TTC7A: variants seen among roughly 807,000 people sequenced by gnomAD.
TTC7A encodes the protein tetratricopeptide repeat domain 7A.
TTC7A carries 110 observed loss-of-function variants against 103.7 expected under a neutral mutation model. That is an observed-to-expected ratio of 1.06 (90% CI 0.91 to 1.24). TTC7A has a LOEUF of 1.24. Ranked by LOEUF, TTC7A falls within the 50% of genes most tolerant of loss-of-function variation. The pLI is 0.00. For synonymous variants in TTC7A, 521 were observed against 467.9 expected (o/e 1.11, Z -1.47); for missense variants, 1,340 against 1,116.3 (o/e 1.20, Z -2.86).
At chr2:47,043,813 G>GTAC (rs1363991928) in intron 15 of TTC7A, among the ~76,000 whole-genome samples, 1 of 152,200 alleles carries the variant, frequency 6.6e-6, no homozygotes, top group Non-Finnish European at 1.5e-5. Flanking sequence ...AATGTCAGCA[G>GTAC]CTGCAAAGGT....
At position 47,051,808 on chromosome 2, in the gene TTC7A, A is replaced by G. The variant is rs143506259; in HGVS notation, c.2080A>G (p.Met694Val). The G allele has an allele frequency of 6.4e-5, 103 of 1,611,974 alleles. No individual in the cohort carries two copies. In the Admixed American group the frequency reaches 1.2e-3, roughly 18 times the overall value. The change falls in exon 18 of 20, where the codon ATG becomes GTG. Residue 694 changes from methionine (M) to valine (V), a missense_variant. Transcript: ENST00000319190. ...RLEEAMSELT[M>V]PSSVLKQGPM... ...GGAGGAGGCCATGTCAGAGCTGACT[A>G]TGCCCTCTTCGGTCCTGAAGCAGGG... is the stretch of plus-strand genomic sequence containing the variant.
At chr2:46,998,780 A>G (rs188062956) in intron 8 of TTC7A, among the ~76,000 whole-genome samples, 239 of 152,246 alleles carry the variant, frequency 1.6e-3, no homozygotes, top group African/African-American at 5.6e-3. Context: ...GGAACTCAGG[A>G]GTGGCTGTGT....
chr2:46,958,610 G>T (rs577357012), intron 3 of TTC7A: 2 of 1,206,910 alleles, frequency 1.7e-6, no homozygotes, highest in Non-Finnish European at 2.2e-6. Flanking sequence ...GCTAGCTCCC[G>T]TTCCCCAGTG....
chr2:47,037,117 C>A (rs893311728), intron 15 of TTC7A, among the ~76,000 whole-genome samples: 1 of 152,336 alleles, frequency 6.6e-6, no homozygotes, highest in East Asian at 1.9e-4. Context: ...CTTCAGAGGA[C>A]CCCCTCAGGT....
intron 3 of TTC7A, among the ~76,000 whole-genome samples, chr2:46,972,765 A>G (rs1673485357): frequency 6.6e-6 from 1 of 152,240 alleles, no homozygotes. Context: ...GTGTGCATGT[A>G]AAATGCTGCA....
intron 3 of TTC7A, among the ~76,000 whole-genome samples, chr2:46,961,136 A>C (rs978297112): frequency 6.6e-6 from 1 of 152,232 alleles, no homozygotes; most frequent in Non-Finnish European, 1.5e-5. Flanking sequence ...CCCCTGACCA[A>C]ACATGTCAGA....
At chr2:47,065,160 G>T in intron 19 of TTC7A, among the ~76,000 whole-genome samples, 1 of 152,162 alleles carries the variant, frequency 6.6e-6, no homozygotes, top group East Asian at 1.9e-4. Flanking sequence ...GGTGGTGGGC[G>T]CCTGTAGTCC....
At chr2:47,054,001 G>A (rs945172990) in intron 18 of TTC7A, 1 of 596,348 alleles carries the variant, frequency 1.7e-6, no homozygotes, top group Admixed American at 6.3e-5. Context: ...CCCTCCTGAA[G>A]CCAGTAATTA....
At chr2:47,054,050 A>G in intron 18 of TTC7A, 2 of 944,126 alleles carry the variant, frequency 2.1e-6, no homozygotes, top group Non-Finnish European at 2.5e-6. Flanking sequence ...CCTTTCAGTC[A>G]TTTGCACATG....
At chr2:47,035,626 C>G (rs1387263853) in intron 15 of TTC7A, 1 of 152,204 alleles carries the variant, frequency 6.6e-6, no homozygotes, top group African/African-American at 2.4e-5. Context: ...TTTTGTTTGT[C>G]TGGGGAAGAG....
chr2:47,069,414 C>T (rs969834180), intron 19 of TTC7A, among the ~76,000 whole-genome samples: 2 of 152,294 alleles, frequency 1.3e-5, no homozygotes, highest in South Asian at 2.1e-4. Flanking sequence ...GTACTCACTA[C>T]CCCAGGAGAC....
Position 47,024,316 on chromosome 2 carries a change from A to T in TTC7A, c.1598A>T (p.Gln533Leu). The T allele has an allele frequency of 6.2e-7, 1 of 1,609,158 alleles. No individual in the cohort carries two copies. Among genetic ancestry groups the T allele is most frequent in the Non-Finnish European group, 8.5e-7 (1 of 1,177,720 alleles). Residue 533 changes from glutamine to leucine, a missense_variant, in exon 14 of 20, where the codon CAG becomes CTG. Gln to Leu is a moderately radical substitution (Grantham distance 113). Transcript: ENST00000319190. ...RAQQLAPSDPQVILYVSLQLA... is the reference protein window; with the variant it reads ...RAQQLAPSDPLVILYVSLQLA... ...CAGCAGCTGGCGCCCAGTGACCCCC[A>T]GGTCATCCTCTATGTCTCGCTGCAG...
intron 3 of TTC7A, among the ~76,000 whole-genome samples, chr2:46,960,391 T>C (rs1228768148): frequency 6.6e-6 from 1 of 152,224 alleles, no homozygotes; most frequent in Non-Finnish European, 1.5e-5. Context: ...TCCTCTGGTA[T>C]ACCTGATATT....
chr2:46,975,106 G>A lies in TTC7A; in HGVS notation c.648+3G>A, dbSNP rs765786418. ...TGTTCCTGCAGGAATTGGAGAAGGT[G>A]AGCTGGAAATAACACCGTGGTAGGA... is the stretch of plus-strand genomic sequence containing the variant. On this transcript the variant is annotated splice_donor_region_variant and intron_variant, in intron 4 of 19. Transcript: ENST00000319190. The A allele has an allele frequency of 1.4e-5, 22 of 1,613,370 alleles. 1 individual carries two copies. In the South Asian group the frequency reaches 2.3e-4, roughly 17 times the overall value.
intron 19 of TTC7A, chr2:47,065,748 C>G (rs937259670): frequency 6.6e-6 from 1 of 152,214 alleles, no homozygotes; most frequent in Non-Finnish European, 1.5e-5. Context: ...TAGCCCTGGC[C>G]ACAGAGCCAC....
At chr2:47,023,768 G>C (rs1018813109) in intron 13 of TTC7A, among the ~76,000 whole-genome samples, 3 of 152,118 alleles carry the variant, frequency 2.0e-5, no homozygotes, top group Non-Finnish European at 4.4e-5. Flanking sequence ...AGATAAAGCA[G>C]AAAAAGCACC....
intron 8 of TTC7A, 73 bp from the exon 9 acceptor site, chr2:47,005,849 T>G (rs1009223829): frequency 1.0e-4 from 162 of 1,551,048 alleles, no homozygotes; most frequent in Admixed American, 3.1e-4. Flanking sequence ...GCCAGCAAGG[T>G]GGGGGCCCTG....
intron 18 of TTC7A, among the ~76,000 whole-genome samples, chr2:47,053,071 C>CA (rs769423351): frequency 2.0e-5 from 3 of 152,008 alleles, no homozygotes; most frequent in South Asian, 2.1e-4. Flanking sequence ...TCTGAATCTG[C>CA]AAAAAACATT....
intron 2 of TTC7A, among the ~76,000 whole-genome samples, chr2:46,921,900 G>C (rs1353295811): frequency 6.6e-6 from 1 of 152,160 alleles, no homozygotes; most frequent in African/African-American, 2.4e-5. Context: ...AGCTCAGGTT[G>C]GTAATGCTCA....
Sources: gnomAD v4.1 joint callset for allele counts (sites outside exome capture counted in the v4.1 genomes callset) on GRCh38, gnomAD v4.1.1 for gene constraint, MANE v1.5 for transcripts, NCBI Gene and HGNC (gene_info 2026-07-23, HGNC 2026-07-21) for gene names.